The following KIAA1671 variants were observed in gnomAD, a reference collection of about 807,000 sequenced individuals.
KIAA1671 encodes uncharacterized protein KIAA1671.
KIAA1671 carries 52 observed loss-of-function variants against 131.2 expected under a neutral mutation model. That is an observed-to-expected ratio of 0.40 (90% confidence interval 0.32 to 0.50). The LOEUF is 0.50. KIAA1671 is among the 20% of genes least tolerant of loss of function. The pLI is 0.73. For missense variants in KIAA1671, 2,360 were observed against 2,364.2 expected (o/e 1.00, Z 0.04); for synonymous variants, 1,003 against 961.6 (o/e 1.04, Z -0.80).
chr22:25,143,630 G>C (rs1776717328), intron 6 of KIAA1671, among the ~76,000 whole-genome samples: 1 of 152,042 alleles, frequency 6.6e-6, no homozygotes, highest in African/African-American at 2.4e-5. Context: ...GAGCCCAGTG[G>C]CCAGCCAGAC....
intron 9 of KIAA1671, chr22:25,179,399 G>A (rs1316446559): frequency 1.9e-6 from 3 of 1,610,870 alleles, no homozygotes; most frequent in African/African-American, 2.7e-5. Context: ...GTGCGGCCAG[G>A]TGCGCCTCGC....
intron 6 of KIAA1671, chr22:25,058,875 T>G (rs1485013489): frequency 6.6e-6 from 1 of 152,196 alleles, no homozygotes; most frequent in Non-Finnish European, 1.5e-5. Flanking sequence ...CTGGGACTGA[T>G]GACCAGAGCA....
chr22:25,113,979 TC>T (rs1403805576), intron 6 of KIAA1671, among the ~76,000 whole-genome samples: 1 of 152,144 alleles, frequency 6.6e-6, no homozygotes, highest in African/African-American at 2.4e-5. Flanking sequence ...CATCCCTCTT[TC>T]CCCACCCTGG....
At chr22:25,024,021 G>A (rs1202059663) in intron 1 of KIAA1671, 1 of 151,896 alleles carries the variant, frequency 6.6e-6, no homozygotes, top group Non-Finnish European at 1.5e-5. Flanking sequence ...TGACTCATTT[G>A]TGCAACTGTG....
In KIAA1671 at chr22:25,182,052, G is replaced by A. The variant is rs373737622; in HGVS notation, c.5199+229G>A. Among the ~76,000 whole-genome samples the A allele has an allele frequency of 2.4e-3, 363 of 152,096 alleles. 3 individuals carry two copies. The highest frequency in any genetic ancestry group is 8.0e-3 in the African/African-American group (333 of 41,492). On this transcript the variant is annotated intron_variant, in intron 10 of 12. Coordinates refer to ENST00000358431, the MANE Select transcript of KIAA1671 (RefSeq NM_001145206.2). ...AAATTAGCCGGGCGTGGTGGCGGGC[G>A]CCTGTAGTCCCAGCTACCTGGGAGG...
At chr22:25,124,855 C>T (rs891493739) in intron 6 of KIAA1671, among the ~76,000 whole-genome samples, 1 of 152,132 alleles carries the variant, frequency 6.6e-6, no homozygotes, top group Non-Finnish European at 1.5e-5. Flanking sequence ...CTCCCAGGCT[C>T]ATACGATCCT....
chr22:25,028,159 C>G lies in KIAA1671; in HGVS notation c.160C>G (p.Leu54Val), dbSNP rs1926055815. The G allele has an allele frequency of 1.4e-5, 22 of 1,550,718 alleles. No homozygotes were observed. Among genetic ancestry groups the G allele is most frequent in the Non-Finnish European group, 1.9e-5 (22 of 1,146,512 alleles). ...CCGGATCTTGGAAGCGAAGAGCCCC[C>G]TGCGGAGCCCGGCCCGGTTACTCCC... The part of the protein sequence containing the change: ...PARILEAKSP[L>V]RSPARLLPLP... The change falls in exon 3 of 13, where the codon CTG becomes GTG. Residue 54 changes from leucine to valine, a missense_variant. This residue lies in a region of KIAA1671 where 1,185 missense variants were observed against 1,126.2 expected (regional missense o/e 1.05). Coordinates refer to ENST00000358431, the MANE Select transcript of KIAA1671 (RefSeq NM_001145206.2).
chr22:24,995,697 G>A (rs1315724308), intron 1 of KIAA1671, among the ~76,000 whole-genome samples: 2 of 152,192 alleles, frequency 1.3e-5, no homozygotes, highest in African/African-American at 4.8e-5. Flanking sequence ...ACGGTTATGA[G>A]GACAATTACT....
At chr22:25,011,396 A>G (rs1035725763) in intron 1 of KIAA1671, 10 of 151,910 alleles carry the variant, frequency 6.6e-5, no homozygotes, top group African/African-American at 1.9e-4. Flanking sequence ...TGATCCATCC[A>G]CCTTGGCCTC....
In KIAA1671 at chr22:25,131,307, G is replaced by A. The variant is rs372101271; in HGVS notation, c.4531-39513G>A. ...CCCCATGGTACCCTCTGCAGAACTG[G>A]AGTTTTGCACAGGTTTGGGGCTTAG... On this transcript the variant is annotated intron_variant, in intron 6 of 12. Transcript: ENST00000358431. Among the ~76,000 whole-genome samples the A allele has an allele frequency of 4.6e-5, 7 of 152,310 alleles. No individual in the cohort carries two copies. In the South Asian group the frequency reaches 1.5e-3, roughly 32 times the overall value.
At chr22:24,965,225 G>T (rs1922235368) in intron 1 of KIAA1671, among the ~76,000 whole-genome samples, 1 of 152,016 alleles carries the variant, frequency 6.6e-6, no homozygotes, top group Admixed American at 6.6e-5. Context: ...GACCAGCCTG[G>T]CCAATGTGGT....
chr22:25,140,552 T>C (rs1353384042), intron 6 of KIAA1671, among the ~76,000 whole-genome samples: 2 of 152,096 alleles, frequency 1.3e-5, no homozygotes, highest in East Asian at 1.9e-4. Flanking sequence ...CCACATTCTG[T>C]TGGATGAAAG....
intron 11 of KIAA1671, among the ~76,000 whole-genome samples, chr22:25,190,323 G>A (rs1408237224): frequency 6.6e-6 from 1 of 152,134 alleles, no homozygotes; most frequent in African/African-American, 2.4e-5. Flanking sequence ...TAATGCTGCC[G>A]CTGCTCTGAC....
At chr22:25,023,066 G>A (rs994072840) in intron 1 of KIAA1671, 4 of 152,410 alleles carry the variant, frequency 2.6e-5, no homozygotes, top group African/African-American at 9.6e-5. Flanking sequence ...AAATTAGCTG[G>A]GTGTGGTGCT....
intron 6 of KIAA1671, among the ~76,000 whole-genome samples, chr22:25,108,273 C>A (rs562362378): frequency 1.3e-5 from 2 of 152,180 alleles, no homozygotes; most frequent in African/African-American, 4.8e-5. Context: ...CAGTGGATTT[C>A]CCACCCCGAT....
intron 1 of KIAA1671, among the ~76,000 whole-genome samples, chr22:24,971,773 G>A (rs1469029152): frequency 6.6e-6 from 1 of 152,196 alleles, no homozygotes; most frequent in Non-Finnish European, 1.5e-5. Context: ...TGTAGGTAGA[G>A]GGTTGGGGGG....
At chr22:25,037,829 A>G (rs1022716383) in intron 4 of KIAA1671, among the ~76,000 whole-genome samples, 4 of 151,954 alleles carry the variant, frequency 2.6e-5, no homozygotes, top group Non-Finnish European at 4.4e-5. Context: ...ATGAATCAGT[A>G]TTTAATTCCT....
chr22:25,035,088 C>T (rs1926517472), intron 4 of KIAA1671, among the ~76,000 whole-genome samples: 1 of 138,616 alleles, frequency 7.2e-6, no homozygotes, highest in East Asian at 2.1e-4. Flanking sequence ...ACTCTGTTGC[C>T]TGGGATAGTA....
At chr22:25,105,007 CTCTT>C (rs937051729) in intron 6 of KIAA1671, among the ~76,000 whole-genome samples, 16 of 151,832 alleles carry the variant, frequency 1.1e-4, no homozygotes, top group African/African-American at 3.1e-4. Context: ...TTTCTTCTTT[CTCTT>C]TCTTTCTTTC....
Sources: gnomAD v4.1 joint callset for allele counts (sites outside exome capture counted in the v4.1 genomes callset) on GRCh38, gnomAD v4.1.1 for gene constraint, gnomAD v4.1.1 regional missense constraint, MANE v1.5 for transcripts, NCBI Gene and HGNC (gene_info 2026-07-23, HGNC 2026-07-21) for gene names.